SLC38A3: variants seen among roughly 807,000 people sequenced by gnomAD.
SLC38A3 encodes the protein sodium-coupled neutral amino acid transporter 3.
In SLC38A3, 17 loss-of-function variants were observed where a neutral mutation model predicts 59.5. That is an observed-to-expected ratio of 0.29 (90% CI 0.20 to 0.43). The LOEUF (loss-of-function observed/expected upper bound fraction) is 0.43, where lower values mean the gene tolerates loss of function less well. Among genes scored for constraint, SLC38A3 ranks in the 20% least tolerant of loss-of-function variants. The pLI, the probability that SLC38A3 is intolerant of heterozygous loss-of-function variation, is 1.00. For missense variants in SLC38A3, 454 were observed against 653.9 expected (o/e 0.69, Z 3.33); for synonymous variants, 238 against 260.3 (o/e 0.91, Z 0.82).
rs1012097925 is a variant in SLC38A3, at chr3:50,214,419, G to A, written c.119G>A (p.Arg40Gln). Residue 40 changes from arginine to glutamine, a missense_variant, in exon 3 of 16, where the codon CGG becomes CAG. Arg to Gln is a conservative substitution (Grantham distance 43). Transcript: ENST00000614032. The surrounding 1 kb of genome is among the most constrained non-coding windows in gnomAD (Gnocchi z 6.0). Reference protein sequence around the residue: ...AGNQRVEDPARSCMEGKSFLQ... With the variant: ...AGNQRVEDPAQSCMEGKSFLQ... The stretch of plus-strand genomic sequence containing the variant: ...GCCTACAGGGTCGAGGACCCTGCAC[G>A]GAGCTGTATGGAGGGCAAGAGCTTC... The A allele has an allele frequency of 2.3e-5, 37 of 1,582,578 alleles. No homozygotes were observed. Among genetic ancestry groups the A allele is most frequent in the African/African-American group, 4.0e-5 (3 of 74,166 alleles).
intron 1 of SLC38A3, among the ~76,000 whole-genome samples, chr3:50,206,145 C>G (rs1699644907): frequency 6.6e-6 from 1 of 152,388 alleles, no homozygotes; most frequent in Non-Finnish European, 1.5e-5. Flanking sequence ...TTGGCCACAG[C>G]AAATGCGTGC....
Position 50,214,308 on chromosome 3 carries a change from C to G in SLC38A3, c.101+8C>G, listed in dbSNP as rs1288008920. On this transcript the variant is annotated splice_region_variant and intron_variant, in intron 2 of 15. Transcript: ENST00000614032. This position sits in a 1 kb window ranked among gnomAD's most constrained non-coding sequence, Gnocchi z 6.0. ...CATGGCAGGCAACCAGAGGTGAGTA[C>G]CAGAGGGACCCAGTGGTGGCTGAAG... The G allele has an allele frequency of 1.2e-6, 2 of 1,613,364 alleles. No homozygotes were observed. Among genetic ancestry groups the G allele is most frequent in the Admixed American group, 3.3e-5 (2 of 59,980 alleles).
rs1699794818 is a variant in SLC38A3, at chr3:50,214,955, C to A, written c.299+187C>A. ...CAAATATACCTCACTGCCCAGTAAA[C>A]CGACTGAGGTCACAACACAGGCCGG... On this transcript the variant is annotated intron_variant, in intron 4 of 15. Transcript: ENST00000614032. The surrounding 1 kb of genome is among the most constrained non-coding windows in gnomAD (Gnocchi z 6.0). 3.3e-6 allele frequency: 2 copies of A among 615,352 alleles called. No individual in the cohort carries two copies. The highest frequency in any genetic ancestry group is 5.8e-5 in the Admixed American group (2 of 34,206). 38.1% of individuals were successfully genotyped at this position (615,352 alleles called of 1,614,324 possible).
chr3:50,214,104 AG>A lies in SLC38A3; in HGVS notation c.-51-43del. The A allele has an allele frequency of 8.4e-7, 1 of 1,188,644 alleles. No individual in the cohort carries two copies. Among genetic ancestry groups the A allele is most frequent in the Admixed American group, 2.0e-5 (1 of 49,826 alleles). 73.6% of individuals were successfully genotyped at this position (1,188,644 alleles called of 1,614,324 possible). ...GGCCTCAGGTAGGAGGCTAGGCCGTAGGCCCAAGTAACGGGGCTAACCAGAG... is the reference window on the plus strand; with the variant it reads ...GGCCTCAGGTAGGAGGCTAGGCCGTAGCCCAAGTAACGGGGCTAACCAGAG... On this transcript the variant is annotated intron_variant, in intron 1 of 15. Transcript: ENST00000614032. The surrounding 1 kb of genome is among the most constrained non-coding windows in gnomAD (Gnocchi z 6.0).
rs1699800816 is a variant in SLC38A3, at chr3:50,215,282, T to C, written c.300-104T>C. ...CCTGTTGGGAGTCCAGACACCCAGGTCACAGACCCTCCACCCCCAGGCCTC... is the reference window on the plus strand; with the variant it reads ...CCTGTTGGGAGTCCAGACACCCAGGCCACAGACCCTCCACCCCCAGGCCTC... On this transcript the variant is annotated intron_variant, in intron 4 of 15. Transcript: ENST00000614032. The surrounding 1 kb of genome is among the most constrained non-coding windows in gnomAD (Gnocchi z 7.1). The C allele has an allele frequency of 9.9e-7, 1 of 1,013,290 alleles. No homozygotes were observed. The highest frequency in any genetic ancestry group is 1.5e-6 in the Non-Finnish European group (1 of 649,276). 62.8% of individuals were successfully genotyped at this position (1,013,290 alleles called of 1,614,324 possible). A position where few individuals can be genotyped will look rare whatever the true frequency, so the allele number is the denominator to read the frequency against.
intron 7 of SLC38A3, among the ~76,000 whole-genome samples, chr3:50,216,265 A>G (rs149791773): frequency 6.6e-6 from 1 of 152,372 alleles, no homozygotes; most frequent in Non-Finnish European, 1.5e-5. Context: ...CAGAGGGGAC[A>G]CAGCCAGGCC....
In SLC38A3 at chr3:50,214,551, C is replaced by T; in HGVS notation, c.183+68C>T. On this transcript the variant is annotated intron_variant, in intron 3 of 15. Transcript: ENST00000614032. This position sits in a 1 kb window ranked among gnomAD's most constrained non-coding sequence, Gnocchi z 6.0. ...CTTGGATGCAGTAATGAGGTGGTCTCTGGCAGCAGTGGGAGGCTGAGGGAC... is the reference window on the plus strand; with the variant it reads ...CTTGGATGCAGTAATGAGGTGGTCTTTGGCAGCAGTGGGAGGCTGAGGGAC... 6.7e-7 allele frequency: 1 copy of T among 1,492,390 alleles called. No homozygotes were observed. The allele number at this position is 1,492,390 out of a possible 1,614,324, so 92.4% of individuals were successfully genotyped here. A position where few individuals can be genotyped will look rare whatever the true frequency, so the allele number is the denominator to read the frequency against.
Position 50,217,093 on chromosome 3 carries a change from T to C in SLC38A3, c.549-145T>C. ...CAGCTGGGCATGCCCATTTTGCAGA[T>C]GGGGAAAGTGAGACTCAGAGCTGTG... is the stretch of plus-strand genomic sequence containing the variant. On this transcript the variant is annotated intron_variant, in intron 7 of 15. Transcript: ENST00000614032. The surrounding 1 kb of genome is among the most constrained non-coding windows in gnomAD (Gnocchi z 4.9). 2 of 649,156 alleles carry C rather than the reference T, an allele frequency of 3.1e-6. No individual in the cohort carries two copies. The highest frequency in any genetic ancestry group is 2.8e-4 in the Middle Eastern group (1 of 3,576). 40.2% of individuals were successfully genotyped at this position (649,156 alleles called of 1,614,324 possible).
Position 50,214,092 on chromosome 3 carries a change from A to G in SLC38A3, c.-51-57A>G. The G allele has an allele frequency of 1.0e-6, 1 of 999,964 alleles. No individual in the cohort carries two copies. The highest frequency in any genetic ancestry group is 1.5e-6 in the Non-Finnish European group (1 of 660,506). 61.9% of individuals were successfully genotyped at this position (999,964 alleles called of 1,614,324 possible). On this transcript the variant is annotated intron_variant, in intron 1 of 15. Transcript: ENST00000614032. The surrounding 1 kb of genome is among the most constrained non-coding windows in gnomAD (Gnocchi z 6.0). ...GCTATGGCTGCAGGCCTCAGGTAGGAGGCTAGGCCGTAGGCCCAAGTAACG... is the reference window on the plus strand; with the variant it reads ...GCTATGGCTGCAGGCCTCAGGTAGGGGGCTAGGCCGTAGGCCCAAGTAACG...
intron 7 of SLC38A3, among the ~76,000 whole-genome samples, chr3:50,216,962 A>G (rs146635867): frequency 1.3e-5 from 2 of 152,018 alleles, no homozygotes; most frequent in Non-Finnish European, 2.9e-5. Context: ...TTTAGTAGAG[A>G]TGGGGTTTCA....
Position 50,220,944 on chromosome 3 carries a change from C to A in SLC38A3, c.*767C>A, listed in dbSNP as rs1337439217. On this transcript the variant is annotated 3_prime_UTR_variant, in exon 16 of 16. Transcript: ENST00000614032. ...CACTGGGATAGGGTGGGGAGGCTGGCAGCCCTCTTTTATAAATATTATACA... is the reference window on the plus strand; with the variant it reads ...CACTGGGATAGGGTGGGGAGGCTGGAAGCCCTCTTTTATAAATATTATACA... 1 of 152,576 alleles carries A rather than the reference C, an allele frequency of 6.6e-6. No individual in the cohort carries two copies. The highest frequency in any genetic ancestry group is 1.5e-5 in the Non-Finnish European group (1 of 68,116). 9.5% of individuals were successfully genotyped at this position (152,576 alleles called of 1,614,324 possible).
chr3:50,207,428 C>T (rs1036242270), intron 1 of SLC38A3: 1 of 152,224 alleles, frequency 6.6e-6, no homozygotes, highest in East Asian at 1.9e-4. Context: ...AATTCTCCCA[C>T]CTCAGCCTTC....
chr3:50,211,185 C>T (rs1009791230), intron 1 of SLC38A3, among the ~76,000 whole-genome samples: 4 of 152,188 alleles, frequency 2.6e-5, no homozygotes, highest in African/African-American at 4.8e-5. Context: ...TTCCGATTCC[C>T]GGATACAAAG....
rs758088378 is a variant in SLC38A3, at chr3:50,217,876, A to T, written c.855+36A>T. The T allele has an allele frequency of 6.2e-7, 1 of 1,613,988 alleles. No individual in the cohort carries two copies. The highest frequency in any genetic ancestry group is 8.5e-7 in the Non-Finnish European group (1 of 1,179,888). ...GTCAGGGCAAGGCGGGGGCCCAATG[A>T]GAGTGGCAGACTGCCTTGACACAGC... On this transcript the variant is annotated intron_variant, in intron 10 of 15. Transcript: ENST00000614032. This position sits in a 1 kb window ranked among gnomAD's most constrained non-coding sequence, Gnocchi z 4.9.
rs587634208 is a variant in SLC38A3 at position 50,215,346 on chromosome 3, C to T, written c.300-40C>T. The T allele has an allele frequency of 2.1e-4, 339 of 1,593,598 alleles. 2 individuals are homozygous for T. In the South Asian group the frequency reaches 2.5e-3, roughly 12 times the overall value. ...CCCTCTGCCAGCCACGGTAGCCCCC[C>T]AGTGGCCTCTTTTTCTTCCATCTTC... On this transcript the variant is annotated intron_variant, in intron 4 of 15. Coordinates refer to ENST00000614032, the MANE Select transcript of SLC38A3 (RefSeq NM_006841.6). This position sits in a 1 kb window ranked among gnomAD's most constrained non-coding sequence, Gnocchi z 7.1.
rs78625017 is a variant in SLC38A3 at position 50,215,736 on chromosome 3, A to C, written c.467-4A>C. The C allele has an allele frequency of 1.2e-6, 2 of 1,604,406 alleles. No homozygotes were observed. The highest frequency in any genetic ancestry group is 1.7e-5 in the Admixed American group (1 of 58,490). On this transcript the variant is annotated splice_polypyrimidine_tract_variant and splice_region_variant and intron_variant, in intron 6 of 15. Coordinates refer to ENST00000614032, the MANE Select transcript of SLC38A3 (RefSeq NM_006841.6). This position sits in a 1 kb window ranked among gnomAD's most constrained non-coding sequence, Gnocchi z 7.1. ...CGCCTGCCTGCCCGCCCCTCTCCCC[A>C]CAGCCATGTCCAGCTACCTGTACAT...
chr3:50,213,681 G>A (rs889294127), intron 1 of SLC38A3, among the ~76,000 whole-genome samples: 1 of 152,232 alleles, frequency 6.6e-6, no homozygotes, highest in Non-Finnish European at 1.5e-5. Context: ...GCCATTCTAG[G>A]TTGGGCAGGA....
Position 50,215,699 on chromosome 3 carries a change from G to A in SLC38A3, c.467-41G>A, listed in dbSNP as rs755452201. 29 of 1,609,772 alleles carry A rather than the reference G, an allele frequency of 1.8e-5. No homozygotes were observed. In the Middle Eastern group the frequency reaches 1.5e-3, roughly 82 times the overall value. On this transcript the variant is annotated intron_variant, in intron 6 of 15. Transcript: ENST00000614032. This position sits in a 1 kb window ranked among gnomAD's most constrained non-coding sequence, Gnocchi z 7.1. Reference sequence around the variant, plus strand: ...GACAGCCCTGAAAGCTGGCTGGTTGGGCTGACCTCAGCGCCTGCCTGCCCG... The same window carrying A: ...GACAGCCCTGAAAGCTGGCTGGTTGAGCTGACCTCAGCGCCTGCCTGCCCG...
intron 1 of SLC38A3, among the ~76,000 whole-genome samples, chr3:50,213,627 C>T (rs1474011080): frequency 6.6e-6 from 1 of 152,222 alleles, no homozygotes; most frequent in Admixed American, 6.5e-5. Context: ...GGAACAGGGC[C>T]CACAGCCCTC....
Sources: gnomAD v4.1 joint callset for allele counts (sites outside exome capture counted in the v4.1 genomes callset) on GRCh38, gnomAD v4.1.1 for gene constraint, Gnocchi (gnomAD v3.1) non-coding constraint, MANE v1.5 for transcripts, NCBI Gene and HGNC (gene_info 2026-07-23, HGNC 2026-07-21) for gene names.